Variants in PCDHGC4 observed in about 807,000 individuals in gnomAD.
PCDHGC4 encodes protocadherin gamma-C4.
In PCDHGC4, 15 loss-of-function variants were observed where a neutral mutation model predicts 59.7. The ratio of observed to expected loss-of-function variants is 0.25; its 90% CI spans 0.17 to 0.39. The LOEUF (loss-of-function observed/expected upper bound fraction) is 0.39. Ranked by LOEUF, PCDHGC4 falls within the 10% of genes least tolerant of loss-of-function variation. The pLI, the probability that PCDHGC4 is intolerant of heterozygous loss-of-function variation, is 1.00. For synonymous variants in PCDHGC4, 434 were observed against 481.4 expected (o/e 0.90, Z 1.29); for missense variants, 1,016 against 1,189.5 (o/e 0.85, Z 2.15).
chr5:141,502,173 T>C (rs1377892969), intron 2 of PCDHGC4, among the ~76,000 whole-genome samples: 2 of 152,178 alleles, frequency 1.3e-5, no homozygotes, highest in African/African-American at 4.8e-5. Flanking sequence ...AGTTGAGGAA[T>C]TTAACATTAA....
chr5:141,507,263 T>C (rs755395344), intron 3 of PCDHGC4: 1 of 152,038 alleles, frequency 6.6e-6, no homozygotes, highest in Non-Finnish European at 1.5e-5. Flanking sequence ...AAACAGCAAG[T>C]ACTATTTCAG....
chr5:141,491,503 G>C lies in PCDHGC4; in HGVS notation c.2443-3304G>C. On this transcript the variant is annotated intron_variant, in intron 1 of 3. Coordinates refer to ENST00000306593, the MANE Select transcript of PCDHGC4 (RefSeq NM_018928.3). The surrounding 1 kb of genome is among the most constrained non-coding windows in gnomAD (Gnocchi z 6.9). ...CCCCAACCTGCAGGTGAGCTCGGACGGCACGCTCAAGTACATGGAGGTGAC... is the reference window on the plus strand; with the variant it reads ...CCCCAACCTGCAGGTGAGCTCGGACCGCACGCTCAAGTACATGGAGGTGAC... The C allele has an allele frequency of 6.2e-7, 1 of 1,614,030 alleles. No homozygotes were observed.
rs1460626002 is a variant in PCDHGC4, at chr5:141,486,935, C to A, written c.1762C>A (p.His588Asn). ...ACTGCCTCCATCAGTTGGTGCTGGC[C>A]ACCTAATCACAAAGGTGACTGCTGT... The part of the protein sequence containing the change: ...QALPPSVGAG[H>N]LITKVTAVDL... Residue 588 changes from histidine to asparagine, a missense_variant, in exon 1 of 4, where the codon CAC becomes AAC. Transcript: ENST00000306593. This position sits in a 1 kb window ranked among gnomAD's most constrained non-coding sequence, Gnocchi z 5.0. 5 of 1,614,228 alleles carry A rather than the reference C, an allele frequency of 3.1e-6. No individual in the cohort carries two copies. The highest frequency in any genetic ancestry group is 4.2e-6 in the Non-Finnish European group (5 of 1,180,038).
rs2099745591 is a variant in PCDHGC4, at chr5:141,492,999, T to C, written c.2443-1808T>C. Among the ~76,000 whole-genome samples, 3 of 152,350 alleles carry C rather than the reference T, an allele frequency of 2.0e-5. No homozygotes were observed. In the South Asian group the frequency reaches 6.2e-4, roughly 32 times the overall value. ...CTGTCTCCTCTGGCAGATGGAAAGCTATAGGCTCTGCCAGATGCCAGGGTG... is the reference window on the plus strand; with the variant it reads ...CTGTCTCCTCTGGCAGATGGAAAGCCATAGGCTCTGCCAGATGCCAGGGTG... On this transcript the variant is annotated intron_variant, in intron 1 of 3. Coordinates refer to ENST00000306593, the MANE Select transcript of PCDHGC4 (RefSeq NM_018928.3).
At chr5:141,504,643 G>A (rs1049421626) in intron 2 of PCDHGC4, among the ~76,000 whole-genome samples, 3 of 124,276 alleles carry the variant, frequency 2.4e-5, no homozygotes, top group African/African-American at 9.0e-5. Flanking sequence ...AAGGTTTGAT[G>A]ATAGAGTGTT....
In PCDHGC4 at chr5:141,511,216, C is replaced by A. The variant is rs374915167; in HGVS notation, c.*43C>A. On this transcript the variant is annotated 3_prime_UTR_variant, in exon 4 of 4. Coordinates refer to ENST00000306593, the MANE Select transcript of PCDHGC4 (RefSeq NM_018928.3). Reference sequence around the variant, plus strand: ...GAGCCACAGGGCGGCCTCTCCCCAACCAGCCCAGCTTCTCCTTACCTGCAC... The same window carrying A: ...GAGCCACAGGGCGGCCTCTCCCCAAACAGCCCAGCTTCTCCTTACCTGCAC... The A allele has an allele frequency of 6.2e-7, 1 of 1,608,004 alleles. No homozygotes were observed. The highest frequency in any genetic ancestry group is 1.3e-5 in the African/African-American group (1 of 74,736).
chr5:141,502,524 C>T (rs959562458), intron 2 of PCDHGC4, among the ~76,000 whole-genome samples: 3 of 151,910 alleles, frequency 2.0e-5, no homozygotes, highest in East Asian at 1.9e-4. Flanking sequence ...TCAGTGATGC[C>T]GAGTTTGTTC....
At chr5:141,510,402 G>A (rs2099880998) in intron 3 of PCDHGC4, among the ~76,000 whole-genome samples, 1 of 152,008 alleles carries the variant, frequency 6.6e-6, no homozygotes, top group African/African-American at 2.4e-5. Flanking sequence ...GCAAAGGCTA[G>A]GGGCATGTAA....
chr5:141,499,401 C>A lies in PCDHGC4; in HGVS notation c.2501+4536C>A, dbSNP rs115575614. ...TTCCACTTATAAAATAGTACATGCTCATTATAGAAACATGAAAAATAGAAA... is the reference window on the plus strand; with the variant it reads ...TTCCACTTATAAAATAGTACATGCTAATTATAGAAACATGAAAAATAGAAA... On this transcript the variant is annotated intron_variant, in intron 2 of 3. Coordinates refer to ENST00000306593, the MANE Select transcript of PCDHGC4 (RefSeq NM_018928.3). Among the ~76,000 whole-genome samples, 871 of 152,186 alleles carry A rather than the reference C, an allele frequency of 5.7e-3. 5 individuals are homozygous for A. Among genetic ancestry groups the A allele is most frequent in the African/African-American group, 0.02 (847 of 41,502 alleles).
chr5:141,511,010 A>G lies in PCDHGC4; in HGVS notation c.2654A>G (p.Tyr885Cys), dbSNP rs1286219897. 6.2e-6 allele frequency: 10 copies of G among 1,614,054 alleles called. No homozygotes were observed. Among genetic ancestry groups the G allele is most frequent in the African/African-American group, 1.3e-5 (1 of 74,916 alleles). Residue 885 changes from tyrosine to cysteine, a missense_variant, in exon 4 of 4, where the codon TAC becomes TGC. By Grantham distance (194) the Tyr-to-Cys change is radical (BLOSUM62 -2). Coordinates refer to ENST00000306593, the MANE Select transcript of PCDHGC4 (RefSeq NM_018928.3). ...GGCACCATGGGATTGAGCGCCCGCT[A>G]CGGACCCCAGTTCACCCTGCAGCAC... Reference protein sequence around the residue: ...GAGTMGLSARYGPQFTLQHVP... With the variant: ...GAGTMGLSARCGPQFTLQHVP...
chr5:141,485,362 G>T lies in PCDHGC4; in HGVS notation c.189G>T (p.Arg63Ser). 6.2e-7 allele frequency: 1 copy of T among 1,614,144 alleles called. No individual in the cohort carries two copies. ...ATACGGACAGTCTGTCAGCTCGCAG[G>T]CTGCAGGTCGCTGGAGAGGTGAACC... is the stretch of plus-strand genomic sequence containing the variant. ...LLDTDSLSAR[R>S]LQVAGEVNQR... The change falls in exon 1 of 4, where the codon AGG (arginine) becomes AGT (serine). Residue 63 changes from arginine to serine, a missense_variant. Coordinates refer to ENST00000306593, the MANE Select transcript of PCDHGC4 (RefSeq NM_018928.3). The surrounding 1 kb of genome is among the most constrained non-coding windows in gnomAD (Gnocchi z 5.7).
At position 141,489,632 on chromosome 5, in the gene PCDHGC4, C is replaced by T; in HGVS notation, c.2442+2017C>T. 6.2e-7 allele frequency: 1 copy of T among 1,614,138 alleles called. No homozygotes were observed. Among genetic ancestry groups the T allele is most frequent in the Non-Finnish European group, 8.5e-7 (1 of 1,180,010 alleles). Reference sequence around the variant, plus strand: ...ATCCTGGATCTCAATGACAACTCTCCTAGCTTTGCCACCCCTGAGCGAGAG... The same window carrying T: ...ATCCTGGATCTCAATGACAACTCTCTTAGCTTTGCCACCCCTGAGCGAGAG... On this transcript the variant is annotated intron_variant, in intron 1 of 3. Transcript: ENST00000306593. The surrounding 1 kb of genome is among the most constrained non-coding windows in gnomAD (Gnocchi z 4.5).
chr5:141,507,661 C>T (rs1328943034), intron 3 of PCDHGC4, among the ~76,000 whole-genome samples: 1 of 152,236 alleles, frequency 6.6e-6, no homozygotes, highest in Non-Finnish European at 1.5e-5. Context: ...GCTTTTTAGC[C>T]TAAATCCAGA....
intron 2 of PCDHGC4, among the ~76,000 whole-genome samples, chr5:141,497,880 T>C (rs2099780200): frequency 6.6e-6 from 1 of 152,170 alleles, no homozygotes; most frequent in Non-Finnish European, 1.5e-5. Context: ...GAAATAAGCG[T>C]TAGGATCTAG....
At chr5:141,509,268 G>A (rs2099875959) in intron 3 of PCDHGC4, among the ~76,000 whole-genome samples, 1 of 152,150 alleles carries the variant, frequency 6.6e-6, no homozygotes, top group South Asian at 2.1e-4. Flanking sequence ...AGTCACTCTC[G>A]CTACCCGCTC....
chr5:141,497,111 G>A (rs899232924), intron 2 of PCDHGC4, among the ~76,000 whole-genome samples: 16 of 152,010 alleles, frequency 1.1e-4, no homozygotes, highest in Non-Finnish European at 1.2e-4. Context: ...GCTTGAACCC[G>A]GAAGGCAGAG....
intron 3 of PCDHGC4, among the ~76,000 whole-genome samples, chr5:141,508,943 CAG>C (rs1562237475): frequency 1.3e-5 from 2 of 151,982 alleles, no homozygotes; most frequent in Admixed American, 6.6e-5. Context: ...TTAGGGAAAA[CAG>C]AGAAATGTCA....
chr5:141,490,251 A>G lies in PCDHGC4; in HGVS notation c.2442+2636A>G, dbSNP rs1479384008. ...CCATGGAGGGCCACTGTGTGATTCA[A>G]GTGGATGTGGGGGATGTCAATGACA... is the stretch of plus-strand genomic sequence containing the variant. On this transcript the variant is annotated intron_variant, in intron 1 of 3. Coordinates refer to ENST00000306593, the MANE Select transcript of PCDHGC4 (RefSeq NM_018928.3). This position sits in a 1 kb window ranked among gnomAD's most constrained non-coding sequence, Gnocchi z 5.4. 6.2e-7 allele frequency: 1 copy of G among 1,614,210 alleles called. No homozygotes were observed. Among genetic ancestry groups the G allele is most frequent in the Non-Finnish European group, 8.5e-7 (1 of 1,180,036 alleles).
chr5:141,491,826 C>G lies in PCDHGC4; in HGVS notation c.2443-2981C>G. ...GGCTTGGTCGCTGGCTGCGCTCCAC[C>G]CGATTCTCGGGATCATTGGACCGTT... On this transcript the variant is annotated intron_variant, in intron 1 of 3. Coordinates refer to ENST00000306593, the MANE Select transcript of PCDHGC4 (RefSeq NM_018928.3). The surrounding 1 kb of genome is among the most constrained non-coding windows in gnomAD (Gnocchi z 6.9). 1 of 1,477,526 alleles carries G rather than the reference C, an allele frequency of 6.8e-7. No individual in the cohort carries two copies. The highest frequency in any genetic ancestry group is 9.0e-7 in the Non-Finnish European group (1 of 1,114,486). 91.5% of individuals were successfully genotyped at this position (1,477,526 alleles called of 1,614,324 possible). A position where few individuals can be genotyped will look rare whatever the true frequency, so the allele number is the denominator to read the frequency against.
Sources: gnomAD v4.1 joint callset for allele counts (sites outside exome capture counted in the v4.1 genomes callset) on GRCh38, gnomAD v4.1.1 for gene constraint, Gnocchi (gnomAD v3.1) non-coding constraint, MANE v1.5 for transcripts, NCBI Gene and HGNC (gene_info 2026-07-23, HGNC 2026-07-21) for gene names.